KCNQ5: variants seen among roughly 807,000 people sequenced by gnomAD.
KCNQ5 encodes potassium voltage-gated channel subfamily KQT member 5.
A neutral mutation model predicts 98.2 loss-of-function variants in KCNQ5; 30 were observed. The ratio of observed to expected loss-of-function variants is 0.31; its 90% CI spans 0.23 to 0.41. The LOEUF (loss-of-function observed/expected upper bound fraction) is 0.41. KCNQ5 is among the 10% of genes least tolerant of loss of function. KCNQ5 has a pLI of 1.00. For synonymous variants in KCNQ5, 458 were observed against 449.4 expected, an observed-to-expected ratio of 1.02 and a Z score of -0.24; for missense variants, 835 against 1,182.5, an observed-to-expected ratio of 0.71 and a Z score of 4.31.
chr6:72,804,937 T>C (rs1774873359), intron 1 of KCNQ5, among the ~76,000 whole-genome samples: 1 of 152,186 alleles, frequency 6.6e-6, no homozygotes. Flanking sequence ...ACCTTTTTCA[T>C]ATACCTGTTT....
chr6:73,050,353 A>G (rs1161522864), intron 3 of KCNQ5, among the ~76,000 whole-genome samples: 2 of 151,780 alleles, frequency 1.3e-5, no homozygotes, highest in East Asian at 3.9e-4. Flanking sequence ...GGAGGGAGGG[A>G]AAGAAAGGAA....
At chr6:72,715,736 A>G (rs556541340) in intron 1 of KCNQ5, among the ~76,000 whole-genome samples, 76 of 152,320 alleles carry the variant, frequency 5.0e-4, no homozygotes, top group African/African-American at 1.7e-3. Context: ...GTTTTATACT[A>G]TGGTATTTTA....
At chr6:73,165,418 C>G (rs537098540) in intron 10 of KCNQ5, among the ~76,000 whole-genome samples, 1 of 152,334 alleles carries the variant, frequency 6.6e-6, no homozygotes, top group South Asian at 2.1e-4. Flanking sequence ...TATGAGTCCT[C>G]TATTCCACCT....
intron 11 of KCNQ5, among the ~76,000 whole-genome samples, chr6:73,180,313 T>C (rs59860080): frequency 0.018 from 2,805 of 152,286 alleles, 75 homozygotes; most frequent in African/African-American, 0.063. Context: ...TGAATATTCA[T>C]TGAAAGAATG....
chr6:73,123,376 C>T (rs1775821824), intron 8 of KCNQ5, among the ~76,000 whole-genome samples: 2 of 151,934 alleles, frequency 1.3e-5, no homozygotes, highest in African/African-American at 4.8e-5. Flanking sequence ...TAAAAAACAC[C>T]AGCCCCATGC....
chr6:72,812,370 A>G (rs1437726924), intron 1 of KCNQ5, among the ~76,000 whole-genome samples: 1 of 152,148 alleles, frequency 6.6e-6, no homozygotes, highest in Non-Finnish European at 1.5e-5. Flanking sequence ...TGACACTACA[A>G]TGCGTGGGCC....
Position 72,836,425 on chromosome 6 carries a change from G to GCT in KCNQ5, c.399-167474_399-167473dup, listed in dbSNP as rs1224107502. 8.6e-5 allele frequency among the ~76,000 whole-genome samples: 13 copies of GCT among 151,874 alleles called. No homozygotes were observed. In the East Asian group the frequency reaches 1.2e-3, roughly 14 times the overall value. ...CTGGAGAAGAATTTACAAATTTGGT[G>GCT]CTCTCTCTCTGTGTGTGTATATATA... On this transcript the variant is annotated intron_variant, in intron 1 of 13. Coordinates refer to ENST00000370398, the MANE Select transcript of KCNQ5 (RefSeq NM_019842.4).
At chr6:73,087,220 G>A (rs1164069321) in intron 5 of KCNQ5, among the ~76,000 whole-genome samples, 1 of 152,170 alleles carries the variant, frequency 6.6e-6, no homozygotes, top group African/African-American at 2.4e-5. Flanking sequence ...GGTCTACCAT[G>A]GTGGCAGCAA....
chr6:73,183,678 T>C (rs1778477122), intron 11 of KCNQ5, among the ~76,000 whole-genome samples: 1 of 152,172 alleles, frequency 6.6e-6, no homozygotes, highest in African/African-American at 2.4e-5. Flanking sequence ...ACACAAATTT[T>C]CCTCTCTCTA....
At chr6:73,038,662 A>G (rs1358198266) in intron 2 of KCNQ5, among the ~76,000 whole-genome samples, 1 of 151,914 alleles carries the variant, frequency 6.6e-6, no homozygotes, top group Non-Finnish European at 1.5e-5. Context: ...CATTATATTG[A>G]TTGATTTCAA....
intron 1 of KCNQ5, among the ~76,000 whole-genome samples, chr6:72,827,776 C>T (rs4389734): frequency 0.26 from 40,112 of 151,642 alleles, 6,205 homozygotes; most frequent in African/African-American, 0.43. Context: ...CCTGTGCTTT[C>T]GAGGTCTTGA....
At chr6:72,764,718 A>AT (rs1349736719) in intron 1 of KCNQ5, among the ~76,000 whole-genome samples, 11 of 151,880 alleles carry the variant, frequency 7.2e-5, no homozygotes, top group African/African-American at 2.7e-4. Context: ...CATTCTCTCT[A>AT]TTTTTTGTAC....
chr6:73,149,376 A>G (rs915816006), intron 10 of KCNQ5, among the ~76,000 whole-genome samples: 4 of 152,250 alleles, frequency 2.6e-5, no homozygotes, highest in African/African-American at 9.6e-5. Context: ...ATAAAGATTA[A>G]CACAAAATGA....
At chr6:73,127,861 G>A (rs867365699) in intron 9 of KCNQ5, among the ~76,000 whole-genome samples, 9 of 152,072 alleles carry the variant, frequency 5.9e-5, no homozygotes, top group Admixed American at 1.3e-4. Flanking sequence ...TCAGGAGTTC[G>A]AGACCAGCCT....
At chr6:73,061,371 AAT>A (rs61143274) in intron 3 of KCNQ5, among the ~76,000 whole-genome samples, 27,958 of 152,124 alleles carry the variant, frequency 0.18, 4,068 homozygotes, top group African/African-American at 0.39. Flanking sequence ...TTAAAATATA[AAT>A]ATGTTAACTA....
At chr6:73,172,108 A>G (rs1430323255) in intron 11 of KCNQ5, among the ~76,000 whole-genome samples, 2 of 152,068 alleles carry the variant, frequency 1.3e-5, no homozygotes, top group Non-Finnish European at 2.9e-5. Context: ...CTTGGTTCTT[A>G]TTTTTAATGG....
At chr6:72,751,928 A>G (rs1771705545) in intron 1 of KCNQ5, among the ~76,000 whole-genome samples, 2 of 152,174 alleles carry the variant, frequency 1.3e-5, no homozygotes, top group South Asian at 4.1e-4. Flanking sequence ...CAAGATATTT[A>G]TATAAATTTC....
At chr6:73,062,655 A>G (rs1338784835) in intron 3 of KCNQ5, among the ~76,000 whole-genome samples, 1 of 152,194 alleles carries the variant, frequency 6.6e-6, no homozygotes, top group Non-Finnish European at 1.5e-5. Context: ...GGTTTTCAAA[A>G]GGATATTTTT....
intron 1 of KCNQ5, among the ~76,000 whole-genome samples, chr6:72,687,819 G>C (rs1768029363): frequency 1.3e-5 from 2 of 149,066 alleles, no homozygotes; most frequent in African/African-American, 4.9e-5. Flanking sequence ...CAAAATGCTA[G>C]TCTTTTTATT....
Sources: gnomAD v4.1 joint callset for allele counts (sites outside exome capture counted in the v4.1 genomes callset) on GRCh38, gnomAD v4.1.1 for gene constraint, MANE v1.5 for transcripts, NCBI Gene and HGNC (gene_info 2026-07-23, HGNC 2026-07-21) for gene names.